SLC3A2: variants seen among roughly 807,000 people sequenced by gnomAD.
SLC3A2 encodes solute carrier family 3 member 2.
SLC3A2 carries 32 observed loss-of-function variants against 48.5 expected under a neutral mutation model. The observed-to-expected ratio is 0.66, with a 90% CI of 0.50 to 0.89. The LOEUF is 0.89. SLC3A2 is among the 40% of genes least tolerant of loss of function. The pLI is 0.00. For missense variants in SLC3A2, 587 were observed against 680.7 expected (o/e 0.86, Z 1.53); for synonymous variants, 277 against 288.8 (o/e 0.96, Z 0.41).
chr11:62,870,843 AATAATAATAATAATTATTATTATT>A (rs1565247743), intron 1 of SLC3A2: 2 of 103,600 alleles, frequency 1.9e-5, no homozygotes, highest in African/African-American at 1.3e-4. Flanking sequence ...GATAGGTAAT[AATAATAATAATAATTATTATTATT>A]ATTATTATTA....
intron 3 of SLC3A2, 95 bp from the exon 4 acceptor site, chr11:62,884,362 G>A (rs950363657): frequency 4.2e-5 from 57 of 1,346,996 alleles, no homozygotes; most frequent in Non-Finnish European, 3.6e-5. Flanking sequence ...AGCTCCCGGG[G>A]AAGTGTGTGG....
chr11:62,881,144 G>T lies in SLC3A2; in HGVS notation c.121G>T (p.Gly41Cys). 1 of 1,603,354 alleles carries T rather than the reference G, an allele frequency of 6.2e-7. No individual in the cohort carries two copies. The highest frequency in any genetic ancestry group is 8.5e-7 in the Non-Finnish European group (1 of 1,176,360). Residue 41 changes from glycine to cysteine, a missense_variant, in exon 1 of 9, where the codon GGT (glycine) becomes TGT (cysteine). By Grantham distance (159) the Gly-to-Cys change is radical. This residue lies in a region of SLC3A2 where 409 missense variants were observed against 446.7 expected (regional missense o/e 0.92). Transcript: ENST00000338663. The surrounding 1 kb of genome is among the most constrained non-coding windows in gnomAD (Gnocchi z 4.0). ...AMSLAGAEKNGLVKIKVAEDE... is the reference protein window; with the variant it reads ...AMSLAGAEKNCLVKIKVAEDE... ...GTCCCTGGCGGGAGCCGAGAAGAATGGTCTGGTGAAGATCAAGGTGGCGGA... is the reference window on the plus strand; with the variant it reads ...GTCCCTGGCGGGAGCCGAGAAGAATTGTCTGGTGAAGATCAAGGTGGCGGA...
chr11:62,876,972 G>A, upstream of SLC3A2: 1 of 986,618 alleles, frequency 1.0e-6, no homozygotes. Flanking sequence ...ATCTTGATAT[G>A]ATACAGCGTT....
At position 62,881,341 on chromosome 11, in the gene SLC3A2, G is replaced by C; in HGVS notation, c.318G>C (p.Ala106=). ...GTGCCGTGGTCATAATCGTGCGAGC[G>C]CCGCGTTGTCGCGAGCTACCGGCGC... ...LAGAVVIIVR[A]PRCRELPAQK... The change falls in exon 1 of 9, where the codon GCG becomes GCC. Residue 106 remains alanine (A), a synonymous_variant. Transcript: ENST00000338663. The surrounding 1 kb of genome is among the most constrained non-coding windows in gnomAD (Gnocchi z 4.0). 6.3e-7 allele frequency: 1 copy of C among 1,589,708 alleles called. No individual in the cohort carries two copies. The highest frequency in any genetic ancestry group is 8.5e-7 in the Non-Finnish European group (1 of 1,172,596).
At chr11:62,867,357 C>T (rs1279373810) in intron 1 of SLC3A2, among the ~76,000 whole-genome samples, 3 of 121,716 alleles carry the variant, frequency 2.5e-5, no homozygotes, top group Non-Finnish European at 3.3e-5. Flanking sequence ...TACAGAGTCT[C>T]GCTCTGTCTC....
In SLC3A2 at chr11:62,882,972, G is replaced by A; in HGVS notation, c.663G>A (p.Gln221=). The part of the protein sequence containing the change: ...YRGENSWFST[Q]VDTVATKVKD... ...GTGAGAACTCGTGGTTCTCCACTCA[G>A]GTTGACACTGTGGCCACCAAGGTGA... is the stretch of plus-strand genomic sequence containing the variant. Residue 221 remains glutamine (Q), a synonymous_variant, in exon 3 of 9, where the codon CAG becomes CAA. Transcript: ENST00000338663. 1 of 1,614,212 alleles carries A rather than the reference G, an allele frequency of 6.2e-7. No individual in the cohort carries two copies. The highest frequency in any genetic ancestry group is 8.5e-7 in the Non-Finnish European group (1 of 1,180,040).
intron 7 of SLC3A2, among the ~76,000 whole-genome samples, chr11:62,887,631 A>G (rs1476332223): frequency 1.3e-5 from 2 of 149,442 alleles, no homozygotes; most frequent in African/African-American, 4.9e-5. Context: ...TGAACCCAGG[A>G]GGCAGAGATT....
chr11:62,882,144 G>C (rs2085650431), intron 2 of SLC3A2, 78 bp downstream of exon 2: 9 of 1,542,654 alleles, frequency 5.8e-6, no homozygotes, highest in Admixed American at 1.7e-5. Flanking sequence ...CTTTTGTCTG[G>C]TTTCCTGCTA....
chr11:62,856,321 C>T lies in SLC3A2; in HGVS notation c.52C>T (p.Gln18Ter), dbSNP rs1352496521. 3 of 1,613,516 alleles carry T rather than the reference C, an allele frequency of 1.9e-6. No homozygotes were observed. The South Asian group carries it at 3.3e-5, about 18-fold the overall frequency. Residue 18 changes from glutamine (Q) to a stop codon, truncating the protein, a stop_gained, in exon 1 of 10, where the codon CAG (glutamine) becomes TAG (stop). Transcript: ENST00000377889. LOFTEE classifies it high-confidence loss of function. Reference sequence around the variant, plus strand: ...GATCGCCGTCGTGTCGATTCCGCGCCAGTTGCCTGGCTCACATTCGGAGGC... The same window carrying T: ...GATCGCCGTCGTGTCGATTCCGCGCTAGTTGCCTGGCTCACATTCGGAGGC...
intron 1 of SLC3A2, among the ~76,000 whole-genome samples, chr11:62,875,321 T>C (rs1590627922): frequency 6.6e-6 from 1 of 151,834 alleles, no homozygotes; most frequent in Non-Finnish European, 1.5e-5. Flanking sequence ...CCGAGGCGAG[T>C]GGATCACGAG....
chr11:62,857,253 C>T (rs909614899), intron 1 of SLC3A2, among the ~76,000 whole-genome samples: 1 of 152,216 alleles, frequency 6.6e-6, no homozygotes. Context: ...TCCTGAGTAG[C>T]TGGGATTACA....
At position 62,881,844 on chromosome 11, in the gene SLC3A2, C is replaced by T; in HGVS notation, c.425-49C>T. On this transcript the variant is annotated intron_variant, in intron 1 of 8. Transcript: ENST00000338663. The surrounding 1 kb of genome is among the most constrained non-coding windows in gnomAD (Gnocchi z 4.0). The stretch of plus-strand genomic sequence containing the variant: ...CTGGGAGAAGGGAGGGTGGGGAGGT[C>T]AGGGGCCTCTCAGAGGGGCCTCACT... The T allele has an allele frequency of 6.3e-7, 1 of 1,595,758 alleles. No homozygotes were observed. Among genetic ancestry groups the T allele is most frequent in the Non-Finnish European group, 8.6e-7 (1 of 1,167,226 alleles).
chr11:62,882,393 G>A (rs527725655), intron 2 of SLC3A2: 4 of 322,950 alleles, frequency 1.2e-5, no homozygotes, highest in South Asian at 3.5e-5. Context: ...ATTGTTTTAC[G>A]ACTCGATATA....
At chr11:62,862,134 T>C (rs2085405831) in intron 1 of SLC3A2, among the ~76,000 whole-genome samples, 1 of 150,746 alleles carries the variant, frequency 6.6e-6, no homozygotes, top group Admixed American at 6.6e-5. Context: ...CTGGGCAACA[T>C]GGTGAAATCC....
intron 7 of SLC3A2, among the ~76,000 whole-genome samples, chr11:62,886,836 C>T (rs535150014): frequency 2.0e-5 from 3 of 152,032 alleles, no homozygotes; most frequent in East Asian, 1.9e-4. Flanking sequence ...TGGGCTCAAT[C>T]GCTCTGCCTG....
In SLC3A2 at chr11:62,881,512, T is replaced by TC; in HGVS notation, c.424+69dup. On this transcript the variant is annotated intron_variant, in intron 1 of 8. Coordinates refer to ENST00000338663, the MANE Select transcript of SLC3A2 (RefSeq NM_001013251.3). This position sits in a 1 kb window ranked among gnomAD's most constrained non-coding sequence, Gnocchi z 4.0. Reference sequence around the variant, plus strand: ...AATCTGGTGGCTTGCACCGACCCCCTCCCCTGTCCCCAGACGGATCTAGAT... The same window carrying TC: ...AATCTGGTGGCTTGCACCGACCCCCTCCCCCTGTCCCCAGACGGATCTAGAT... The TC allele has an allele frequency of 6.7e-7, 1 of 1,487,222 alleles. No homozygotes were observed. The highest frequency in any genetic ancestry group is 8.9e-7 in the Non-Finnish European group (1 of 1,121,500). The allele number at this position is 1,487,222 out of a possible 1,614,324, so 92.1% of individuals were successfully genotyped here. A position where few individuals can be genotyped will look rare whatever the true frequency, so the allele number is the denominator to read the frequency against.
intron 1 of SLC3A2, among the ~76,000 whole-genome samples, chr11:62,858,753 A>G (rs1437661449): frequency 6.6e-6 from 1 of 152,154 alleles, no homozygotes. Flanking sequence ...AATAGTGGGG[A>G]GAGGGTCAGC....
At chr11:62,866,243 A>G (rs948836272) in intron 1 of SLC3A2, among the ~76,000 whole-genome samples, 12 of 151,184 alleles carry the variant, frequency 7.9e-5, no homozygotes, top group African/African-American at 2.9e-4. Flanking sequence ...TCGGCCTCCC[A>G]AGTAGCTGGG....
At chr11:62,870,856 AT>A (rs758674846) in intron 1 of SLC3A2, 2,789 of 129,846 alleles carry the variant, frequency 0.021, 29 homozygotes, top group South Asian at 0.037. Flanking sequence ...AATAATAATA[AT>A]TATTATTATT....
Sources: gnomAD v4.1 joint callset for allele counts (sites outside exome capture counted in the v4.1 genomes callset) on GRCh38, gnomAD v4.1.1 for gene constraint, gnomAD v4.1.1 regional missense constraint, Gnocchi (gnomAD v3.1) non-coding constraint, MANE v1.5 for transcripts, NCBI Gene and HGNC (gene_info 2026-07-23, HGNC 2026-07-21) for gene names.